Variants in IFT56 observed in about 807,000 individuals in gnomAD.
IFT56 encodes intraflagellar transport 56.
chr7:139,179,546 G>A, the IFT56 span: 13 of 1,599,788 alleles, frequency 8.1e-6, no homozygotes, highest in Non-Finnish European at 1.0e-5. Flanking sequence ...ATCCTCATGT[G>A]TATTCCCTTT....
the IFT56 span, among the ~76,000 whole-genome samples, chr7:139,138,258 A>T: frequency 6.6e-6 from 1 of 152,218 alleles, no homozygotes; most frequent in Non-Finnish European, 1.5e-5. Context: ...ACAGTATAAT[A>T]AGATATTTTC....
chr7:139,169,376 G>A, the IFT56 span: 1 of 1,607,396 alleles, frequency 6.2e-7, no homozygotes, highest in Non-Finnish European at 8.5e-7. Flanking sequence ...CTGTACTTAT[G>A]ATCTGCTTCA....
the IFT56 span, among the ~76,000 whole-genome samples, chr7:139,188,132 GCT>G: frequency 8.6e-6 from 1 of 115,846 alleles, no homozygotes; most frequent in Admixed American, 1.0e-4. Flanking sequence ...ATAGAGTCTT[GCT>G]CTGTTGCCCA....
chr7:139,140,955 T>TTTTTTTTTA, the IFT56 span, among the ~76,000 whole-genome samples: 1 of 150,806 alleles, frequency 6.6e-6, no homozygotes, highest in Admixed American at 6.6e-5. Flanking sequence ...TGAAGACTTT[T>TTTTTTTTTA]TTTTTTTTTT....
At chr7:139,179,513 A>G in the IFT56 span, 3 of 1,384,200 alleles carry the variant, frequency 2.2e-6, no homozygotes, top group African/African-American at 2.8e-5. Context: ...CAAGCCAATA[A>G]TGGGTATTTT....
chr7:139,187,890 T>C, the IFT56 span, among the ~76,000 whole-genome samples: 1 of 151,928 alleles, frequency 6.6e-6, no homozygotes, highest in Admixed American at 6.6e-5. Flanking sequence ...CTTCTACTCT[T>C]TTGGGTTTTT....
the IFT56 span, chr7:139,179,541 C>T: frequency 3.8e-6 from 6 of 1,588,752 alleles, no homozygotes; most frequent in East Asian, 4.5e-5. Flanking sequence ...AAAGCATCCT[C>T]ATGTGTATTC....
At chr7:139,144,724 A>G in the IFT56 span, among the ~76,000 whole-genome samples, 2 of 152,112 alleles carry the variant, frequency 1.3e-5, no homozygotes, top group African/African-American at 4.8e-5. Context: ...CTAACCAGCT[A>G]TTCCATTTAT....
At chr7:139,155,195 T>A in the IFT56 span, among the ~76,000 whole-genome samples, 1 of 152,204 alleles carries the variant, frequency 6.6e-6, no homozygotes, top group Non-Finnish European at 1.5e-5. Context: ...TGAACTCATT[T>A]ATTGGCTTTC....
chr7:139,141,181 A>G, the IFT56 span, among the ~76,000 whole-genome samples: 2 of 150,932 alleles, frequency 1.3e-5, no homozygotes, highest in Non-Finnish European at 2.9e-5. Flanking sequence ...GAATGGTGTG[A>G]ACGCGGGAGG....
At chr7:139,184,031 G>A in the IFT56 span, among the ~76,000 whole-genome samples, 1 of 152,228 alleles carries the variant, frequency 6.6e-6, no homozygotes, top group Admixed American at 6.5e-5. Flanking sequence ...TTCCCGTTGT[G>A]CCCCGCATCT....
chr7:139,142,181 G>A, the IFT56 span: 25 of 1,458,060 alleles, frequency 1.7e-5, no homozygotes, highest in Admixed American at 1.4e-4. Flanking sequence ...AGATTCATCC[G>A]AGTCTCATTT....
the IFT56 span, chr7:139,187,668 G>T: frequency 3.3e-6 from 4 of 1,213,526 alleles, no homozygotes; most frequent in African/African-American, 1.5e-5. Flanking sequence ...TGAAAAAAAG[G>T]TTGATATTAA....
chr7:139,151,477 G>A, the IFT56 span, among the ~76,000 whole-genome samples: 1 of 152,168 alleles, frequency 6.6e-6, no homozygotes, highest in South Asian at 2.1e-4. Context: ...GTGATTATGA[G>A]TTTGGGCTTG....
chr7:139,176,194 A>G, the IFT56 span, among the ~76,000 whole-genome samples: 80 of 152,158 alleles, frequency 5.3e-4, no homozygotes, highest in Middle Eastern at 3.4e-3. Context: ...CAAAATAACT[A>G]GAAGAGTATA....
At chr7:139,142,862 A>G in the IFT56 span, among the ~76,000 whole-genome samples, 1,004 of 152,304 alleles carry the variant, frequency 6.6e-3, 13 homozygotes, top group African/African-American at 0.024. Context: ...TGTGTCAACT[A>G]TACTATTATC....
At chr7:139,145,227 C>T in the IFT56 span, among the ~76,000 whole-genome samples, 2 of 151,932 alleles carry the variant, frequency 1.3e-5, no homozygotes, top group Non-Finnish European at 2.9e-5. Context: ...TTTTTTTGTC[C>T]ATTAAGCCCA....
chr7:139,191,603 C>G, the IFT56 span: 684 of 152,234 alleles, frequency 4.5e-3, 6 homozygotes, highest in African/African-American at 0.016. Context: ...AGCAGATATT[C>G]CAAAAATGGC....
chr7:139,140,522 G>A, the IFT56 span, among the ~76,000 whole-genome samples: 1 of 152,168 alleles, frequency 6.6e-6, no homozygotes. Flanking sequence ...GCTCACGCCT[G>A]TAATCCCAGC....
Sources: gnomAD v4.1 joint callset for allele counts (sites outside exome capture counted in the v4.1 genomes callset) on GRCh38, gnomAD v4.1.1 for gene constraint, MANE v1.5 for transcripts, NCBI Gene and HGNC (gene_info 2026-07-23, HGNC 2026-07-21) for gene names.